Variants in GPHN observed in about 807,000 individuals in gnomAD.
GPHN encodes gephyrin.
GPHN carries 17 observed loss-of-function variants against 95.5 expected under a neutral mutation model. That is an observed-to-expected ratio of 0.18 (90% CI 0.12 to 0.27). The LOEUF is 0.27. Ranked by LOEUF, GPHN falls within the 10% of genes least tolerant of loss-of-function variation. The pLI is 1.00. For missense variants in GPHN, 660 were observed against 978.1 expected (o/e 0.67, Z 4.34); for synonymous variants, 320 against 322.5 (o/e 0.99, Z 0.08).
intron 17 of GPHN, among the ~76,000 whole-genome samples, chr14:67,137,812 A>G (rs938986976): frequency 6.6e-6 from 1 of 152,198 alleles, no homozygotes; most frequent in South Asian, 2.1e-4. Context: ...GCTAAGCACC[A>G]TCCAAATTAA....
chr14:66,688,570 G>T (rs1403870031), intron 2 of GPHN, among the ~76,000 whole-genome samples: 1 of 152,146 alleles, frequency 6.6e-6, no homozygotes, highest in Non-Finnish European at 1.5e-5. Context: ...TACTCAACTT[G>T]TTCATCAGTT....
At chr14:67,384,421 CATA>C in the GPHN span, 1 of 150,196 alleles carries the variant, frequency 6.7e-6, no homozygotes, top group African/African-American at 2.5e-5. Context: ...CTAATTCGTA[CATA>C]ATAAGTTTCA....
the GPHN span, among the ~76,000 whole-genome samples, chr14:67,329,352 G>T: frequency 1.3e-5 from 2 of 152,150 alleles, no homozygotes. Flanking sequence ...TGCTGAAGTT[G>T]CTTATCAGCT....
In GPHN at chr14:66,539,444, C is replaced by A. The variant is rs1012667686; in HGVS notation, c.64+30853C>A. 3.9e-5 allele frequency among the ~76,000 whole-genome samples: 4 copies of A among 101,594 alleles called. No individual in the cohort carries two copies. The South Asian group carries it at 1.0e-3, about 26-fold the overall frequency. 66.6% of individuals were successfully genotyped at this position (101,594 alleles called of 152,430 possible). A position where few individuals can be genotyped will look rare whatever the true frequency, so the allele number is the denominator to read the frequency against. ...TTTTTTTTTTTTTGAGACAGAGTTT[C>A]GCTCTTGTTGCCCAGGCTGGAGTGC... On this transcript the variant is annotated intron_variant, in intron 1 of 22. Transcript: ENST00000478722.
At chr14:66,677,369 TG>T (rs1306262808) in intron 1 of GPHN, among the ~76,000 whole-genome samples, 5 of 152,096 alleles carry the variant, frequency 3.3e-5, no homozygotes, top group Non-Finnish European at 5.9e-5. Flanking sequence ...TAAGTGAAAT[TG>T]TTCAAATGGT....
chr14:67,686,415 G>C, the GPHN span, among the ~76,000 whole-genome samples: 1 of 152,134 alleles, frequency 6.6e-6, no homozygotes, highest in Non-Finnish European at 1.5e-5. Flanking sequence ...AAGGCAGGTG[G>C]ACTGCCTGAG....
rs111841466 is a variant in GPHN, at chr14:66,691,186, A to AT, written c.143+10013dup. Among the ~76,000 whole-genome samples, 554 of 146,934 alleles carry AT rather than the reference A, an allele frequency of 3.8e-3. 8 individuals are homozygous for AT. Among genetic ancestry groups the AT allele is most frequent in the African/African-American group, 0.012 (485 of 40,148 alleles). ...GTGAGACACTGTCTCTACAATTTTT[A>AT]TTTTTTTTTTTTATTTTTAGATGGA... is the stretch of plus-strand genomic sequence containing the variant. On this transcript the variant is annotated intron_variant, in intron 2 of 22. Transcript: ENST00000478722.
Position 66,742,527 on chromosome 14 carries a change from A to G in GPHN, c.144-33937A>G, listed in dbSNP as rs111347061. ...TTGTGTTGATTTTTTTCACTGTTCAATATCCCACCCCCATAGTAGAATTGA... is the reference window on the plus strand; with the variant it reads ...TTGTGTTGATTTTTTTCACTGTTCAGTATCCCACCCCCATAGTAGAATTGA... On this transcript the variant is annotated intron_variant, in intron 2 of 22. Coordinates refer to ENST00000478722, the MANE Select transcript of GPHN (RefSeq NM_020806.5). Among the ~76,000 whole-genome samples the G allele has an allele frequency of 9.2e-5, 14 of 152,196 alleles. 2 individuals are homozygous for G. Among genetic ancestry groups the G allele is most frequent in the East Asian group, 3.9e-4 (2 of 5,168 alleles).
intron 1 of GPHN, among the ~76,000 whole-genome samples, chr14:66,643,465 T>C (rs2064552813): frequency 6.6e-6 from 1 of 152,064 alleles, no homozygotes; most frequent in Non-Finnish European, 1.5e-5. Context: ...ATGACCTAAA[T>C]TGGAAACAAT....
At chr14:67,553,400 C>T in the GPHN span, among the ~76,000 whole-genome samples, 7 of 152,092 alleles carry the variant, frequency 4.6e-5, no homozygotes, top group African/African-American at 1.7e-4. Flanking sequence ...CAAAACCCAA[C>T]TCTGTCTGGC....
chr14:67,575,462 A>G, the GPHN span: 5 of 1,601,500 alleles, frequency 3.1e-6, no homozygotes, highest in African/African-American at 2.7e-5. Flanking sequence ...TATCGGAGCC[A>G]TGAGGACAAG....
At chr14:67,544,074 C>A in the GPHN span, among the ~76,000 whole-genome samples, 1 of 152,020 alleles carries the variant, frequency 6.6e-6, no homozygotes, top group African/African-American at 2.4e-5. Context: ...TGCATCAAGT[C>A]AGGACTATTA....
chr14:66,895,995 G>T (rs916283450), intron 5 of GPHN, among the ~76,000 whole-genome samples: 1 of 152,078 alleles, frequency 6.6e-6, no homozygotes, highest in Non-Finnish European at 1.5e-5. Context: ...CAAGGTGCCC[G>T]CAGATTCAGC....
the GPHN span, among the ~76,000 whole-genome samples, chr14:67,211,730 C>A: frequency 6.6e-6 from 1 of 152,124 alleles, no homozygotes; most frequent in African/African-American, 2.4e-5. Context: ...CTTAACAAAA[C>A]CCTGCCACCA....
At chr14:66,529,900 G>A (rs1033894044) in intron 1 of GPHN, among the ~76,000 whole-genome samples, 4 of 152,178 alleles carry the variant, frequency 2.6e-5, no homozygotes, top group Admixed American at 1.3e-4. Context: ...TGAGGTGTCT[G>A]TCGACCCCTG....
chr14:67,117,176 A>G (rs2078743470), intron 16 of GPHN, among the ~76,000 whole-genome samples: 1 of 152,228 alleles, frequency 6.6e-6, no homozygotes, highest in Non-Finnish European at 1.5e-5. Context: ...CTTAAATGCA[A>G]GCAAACCCAT....
At chr14:66,521,148 A>G (rs2058469234) in intron 1 of GPHN, among the ~76,000 whole-genome samples, 1 of 152,150 alleles carries the variant, frequency 6.6e-6, no homozygotes, top group South Asian at 2.1e-4. Flanking sequence ...GCTATTATGA[A>G]TAGTGCTACA....
chr14:67,024,464 C>T (rs1451046606), intron 10 of GPHN, among the ~76,000 whole-genome samples: 1 of 152,104 alleles, frequency 6.6e-6, no homozygotes, highest in Non-Finnish European at 1.5e-5. Flanking sequence ...TGAAATAGGC[C>T]TACTGATACT....
the GPHN span, chr14:67,447,130 G>A: frequency 6.6e-6 from 1 of 152,222 alleles, no homozygotes; most frequent in Non-Finnish European, 1.5e-5. Context: ...TGGAGACTGA[G>A]AAGGACAAGA....
Sources: allele counts gnomAD v4.1 joint callset (sites outside exome capture counted in the v4.1 genomes callset), GRCh38; gene constraint gnomAD v4.1.1; transcripts MANE v1.5; gene names NCBI Gene and HGNC (gene_info 2026-07-23, HGNC 2026-07-21).